The following PNOC variants were observed in gnomAD, a reference collection of about 807,000 sequenced individuals.
The protein encoded by PNOC is prepronociceptin.
PNOC carries 10 observed loss-of-function variants against 15.6 expected under a neutral mutation model. That is an observed-to-expected ratio of 0.64 (90% confidence interval 0.40 to 1.09). The LOEUF (loss-of-function observed/expected upper bound fraction) is 1.09, where lower values mean the gene tolerates loss of function less well. Among genes scored for constraint, PNOC ranks in the 50% least tolerant of loss-of-function variants. The probability of loss-of-function intolerance (pLI) is 0.01; values close to 1 mark genes in which losing one functional copy is unlikely to be tolerated. For synonymous variants in PNOC, 98 were observed against 88.5 expected (o/e 1.11, Z -0.60); for missense variants, 220 against 223.9 (o/e 0.98, Z 0.11).
chr8:28,318,082 A>G (rs183705639), intron 1 of PNOC, among the ~76,000 whole-genome samples: 29 of 152,146 alleles, frequency 1.9e-4, no homozygotes, highest in African/African-American at 6.5e-4. Flanking sequence ...TGCCCAGGTC[A>G]TGCAGAATAC....
At chr8:28,326,116 C>T (rs1302357261) in intron 1 of PNOC, among the ~76,000 whole-genome samples, 2 of 152,106 alleles carry the variant, frequency 1.3e-5, no homozygotes, top group African/African-American at 4.8e-5. Flanking sequence ...CTTTGGGAGG[C>T]TAAGGTGGGA....
chr8:28,329,008 C>T, intron 1 of PNOC, 127 bp from the exon 2 acceptor site: 2 of 903,150 alleles, frequency 2.2e-6, no homozygotes, highest in Middle Eastern at 2.6e-4. Flanking sequence ...GAATCACAGG[C>T]CCCTAGTGCC....
At chr8:28,327,175 T>A (rs1310342755) in intron 1 of PNOC, among the ~76,000 whole-genome samples, 1 of 152,226 alleles carries the variant, frequency 6.6e-6, no homozygotes, top group Non-Finnish European at 1.5e-5. Flanking sequence ...TTCTAGAAAG[T>A]TCTTTGTTCC....
rs185680085 is a variant in PNOC at position 28,327,222 on chromosome 8, A to T, written c.-23-1913A>T. Among the ~76,000 whole-genome samples the T allele has an allele frequency of 6.6e-5, 10 of 152,312 alleles. No homozygotes were observed. The East Asian group carries it at 1.9e-3, about 29-fold the overall frequency. ...ATCCTCTACCTAAAGATGGTTCTAC[A>T]GGGACCCAAAATGATACAGTACAGG... On this transcript the variant is annotated intron_variant, in intron 1 of 3. Coordinates refer to ENST00000301908, the MANE Select transcript of PNOC (RefSeq NM_006228.5).
chr8:28,335,186 A>T (rs1801391962), intron 2 of PNOC, among the ~76,000 whole-genome samples: 1 of 152,190 alleles, frequency 6.6e-6, no homozygotes, highest in South Asian at 2.1e-4. Flanking sequence ...CAATACTCCC[A>T]TCCAAACCTC....
At chr8:28,333,302 C>T (rs1197004745) in intron 2 of PNOC, among the ~76,000 whole-genome samples, 1 of 152,172 alleles carries the variant, frequency 6.6e-6, no homozygotes, top group African/African-American at 2.4e-5. Context: ...TGTTCACTTT[C>T]CCCATAAGCC....
intron 2 of PNOC, among the ~76,000 whole-genome samples, chr8:28,330,396 A>ATTTTATTTTATTTTATTTTTTTTTTTTTT (rs377288105): frequency 6.2e-5 from 5 of 80,416 alleles, no homozygotes; most frequent in African/African-American, 1.2e-4. Flanking sequence ...ATTTTATTTT[A>ATTTTATTTTATTTTATTTTTTTTTTTTTT]TTTTTTTTTT....
intron 2 of PNOC, chr8:28,338,581 G>A (rs1585840841): frequency 3.0e-6 from 3 of 987,758 alleles, no homozygotes; most frequent in South Asian, 4.7e-5. Flanking sequence ...TAAACCTGCA[G>A]ATTTGACTAC....
At chr8:28,325,624 C>T (rs1801211918) in intron 1 of PNOC, among the ~76,000 whole-genome samples, 1 of 147,364 alleles carries the variant, frequency 6.8e-6, no homozygotes, top group Admixed American at 6.8e-5. Flanking sequence ...TGCACTCCAG[C>T]CTGGGCGACA....
Position 28,334,049 on chromosome 8 carries a change from AACACACACACACACAC to A in PNOC, c.126+4791_126+4806del, listed in dbSNP as rs71678743. Among the ~76,000 whole-genome samples, 414 of 146,976 alleles carry A rather than the reference AACACACACACACACAC, an allele frequency of 2.8e-3. 10 individuals carry two copies. The highest frequency in any genetic ancestry group is 0.024 in the Admixed American group (344 of 14,578). ...GCATCCCTGGCCTCTAGGTGCCAGT[AACACACACACACACAC>A]ACACACACACACACACACACACACC... is the stretch of plus-strand genomic sequence containing the variant. On this transcript the variant is annotated intron_variant, in intron 2 of 3. Transcript: ENST00000301908.
At chr8:28,335,025 G>GGC in intron 2 of PNOC, among the ~76,000 whole-genome samples, 1 of 152,280 alleles carries the variant, frequency 6.6e-6, no homozygotes, top group East Asian at 1.9e-4. Context: ...GAAAAACCAC[G>GGC]GCGTGAGCAT....
intron 3 of PNOC, 34 bp downstream of exon 3, chr8:28,339,525 G>A: frequency 6.9e-7 from 1 of 1,447,044 alleles, no homozygotes. Flanking sequence ...GGGGCAAGGA[G>A]AGACCTCACA....
At chr8:28,320,092 C>CTTTTTTTTTTTTTTTTTTTTTT (rs34876964) in intron 1 of PNOC, among the ~76,000 whole-genome samples, 1 of 29,726 alleles carries the variant, frequency 3.4e-5, no homozygotes, top group Non-Finnish European at 5.9e-5. Flanking sequence ...TTCTTTCTTT[C>CTTTTTTTTTTTTTTTTTTTTTT]TTTTTTTTTT....
rs143602387 is a variant in PNOC at position 28,333,755 on chromosome 8, C to T, written c.126+4472C>T. ...CTAAGCACCTCCAAGTTTAACAACT[C>T]TTCCACTTGTTTCCATAAACTGACG... On this transcript the variant is annotated intron_variant, in intron 2 of 3. Transcript: ENST00000301908. Among the ~76,000 whole-genome samples the T allele has an allele frequency of 7.2e-3, 1,097 of 152,304 alleles. 9 individuals carry two copies. Among genetic ancestry groups the T allele is most frequent in the Middle Eastern group, 0.017 (5 of 294 alleles).
chr8:28,317,974 G>T (rs980449329), intron 1 of PNOC, among the ~76,000 whole-genome samples: 1 of 152,072 alleles, frequency 6.6e-6, no homozygotes, highest in Admixed American at 6.6e-5. Context: ...CATTTCTACG[G>T]GCGTGACCTT....
intron 1 of PNOC, among the ~76,000 whole-genome samples, chr8:28,322,021 T>C (rs775199620): frequency 6.6e-6 from 1 of 152,214 alleles, no homozygotes; most frequent in Non-Finnish European, 1.5e-5. Context: ...AAGACCCACC[T>C]ATCTTCTGAT....
At chr8:28,324,862 CA>C (rs1490069010) in intron 1 of PNOC, among the ~76,000 whole-genome samples, 1 of 151,668 alleles carries the variant, frequency 6.6e-6, no homozygotes, top group Non-Finnish European at 1.5e-5. Context: ...AACATCGTCT[CA>C]AAAAACAAAA....
chr8:28,330,396 A>ATTTTATTTTATTTTTTTTT (rs377288105), intron 2 of PNOC, among the ~76,000 whole-genome samples: 1 of 80,418 alleles, frequency 1.2e-5, no homozygotes, highest in African/African-American at 3.9e-5. Flanking sequence ...ATTTTATTTT[A>ATTTTATTTTATTTTTTTTT]TTTTTTTTTT....
At chr8:28,322,078 A>G (rs1801159733) in intron 1 of PNOC, among the ~76,000 whole-genome samples, 1 of 152,082 alleles carries the variant, frequency 6.6e-6, no homozygotes, top group African/African-American at 2.4e-5. Context: ...TGGACTGGAG[A>G]GAAGCCACCA....
Sources: gnomAD v4.1 joint callset for allele counts (sites outside exome capture counted in the v4.1 genomes callset) on GRCh38, gnomAD v4.1.1 for gene constraint, MANE v1.5 for transcripts, NCBI Gene and HGNC (gene_info 2026-07-23, HGNC 2026-07-21) for gene names.